GPC6: variants seen among roughly 807,000 people sequenced by gnomAD.
GPC6 encodes glypican-6.
GPC6 carries 14 observed loss-of-function variants against 55.2 expected under a neutral mutation model. That is an observed-to-expected ratio of 0.25 (90% CI 0.17 to 0.40). The LOEUF is 0.40. Ranked by LOEUF, GPC6 falls within the 10% of genes least tolerant of loss-of-function variation. The pLI, the probability that GPC6 is intolerant of heterozygous loss-of-function variation, is 1.00. For synonymous variants in GPC6, 278 were observed against 259.6 expected (o/e 1.07, Z -0.68); for missense variants, 641 against 708.5 (o/e 0.90, Z 1.08).
chr13:93,953,441 C>T (rs1288962799), intron 3 of GPC6, among the ~76,000 whole-genome samples: 1 of 152,084 alleles, frequency 6.6e-6, no homozygotes, highest in African/African-American at 2.4e-5. Flanking sequence ...TGTCCTGGTT[C>T]TTTGTGTAGA....
intron 2 of GPC6, among the ~76,000 whole-genome samples, chr13:93,556,215 C>T (rs2139450799): frequency 6.6e-6 from 1 of 151,804 alleles, no homozygotes; most frequent in Non-Finnish European, 1.5e-5. Context: ...TATCCTTTTT[C>T]CATTTATTTT....
At chr13:93,299,993 A>G (rs1407109813) in intron 1 of GPC6, among the ~76,000 whole-genome samples, 2 of 152,248 alleles carry the variant, frequency 1.3e-5, no homozygotes, top group African/African-American at 2.4e-5. Context: ...GTCAACAGCT[A>G]CAACAAGCTG....
intron 1 of GPC6, among the ~76,000 whole-genome samples, chr13:93,481,776 T>C (rs893728028): frequency 6.6e-6 from 1 of 152,156 alleles, no homozygotes; most frequent in African/African-American, 2.4e-5. Flanking sequence ...TCTATTATTG[T>C]CTGTTTATGC....
At chr13:94,358,428 G>C (rs1002089591) in intron 6 of GPC6, among the ~76,000 whole-genome samples, 5 of 152,124 alleles carry the variant, frequency 3.3e-5, no homozygotes, top group Non-Finnish European at 7.3e-5. Context: ...CATTGGTCAT[G>C]AGAACCTGAC....
intron 1 of GPC6, among the ~76,000 whole-genome samples, chr13:93,460,307 G>T (rs1018411238): frequency 1.7e-4 from 26 of 152,090 alleles, no homozygotes; most frequent in African/African-American, 6.3e-4. Context: ...TCAACCTTGG[G>T]GAAAACTCTG....
chr13:93,614,893 C>CT (rs920896562), intron 2 of GPC6, among the ~76,000 whole-genome samples: 43 of 150,910 alleles, frequency 2.8e-4, no homozygotes, highest in African/African-American at 8.5e-4. Context: ...TTGCTCATTG[C>CT]TTTTTTTTTC....
intron 4 of GPC6, among the ~76,000 whole-genome samples, chr13:94,225,853 A>C (rs922947667): frequency 6.6e-6 from 1 of 152,156 alleles, no homozygotes; most frequent in Admixed American, 6.6e-5. Context: ...ACCTTACAGA[A>C]CATATTACCA....
chr13:94,173,325 C>A (rs1168449550), intron 4 of GPC6, among the ~76,000 whole-genome samples: 1 of 152,168 alleles, frequency 6.6e-6, no homozygotes, highest in African/African-American at 2.4e-5. Flanking sequence ...GAAGAGCTTA[C>A]TATTCAGCAT....
At chr13:93,764,590 ACACACACACACACACACACAC>A (rs1254287008) in intron 2 of GPC6, among the ~76,000 whole-genome samples, 2 of 39,370 alleles carry the variant, frequency 5.1e-5, no homozygotes, top group Admixed American at 3.4e-4. Flanking sequence ...GTAAACACAC[ACACACACACACACACACACAC>A]CACACACACT....
At chr13:93,675,259 T>C (rs1024058670) in intron 2 of GPC6, among the ~76,000 whole-genome samples, 2 of 152,008 alleles carry the variant, frequency 1.3e-5, no homozygotes, top group African/African-American at 4.8e-5. Flanking sequence ...TTTTTAATTA[T>C]GATGATGATG....
chr13:93,637,972 C>CATAAAAAATAAAA (rs1879765575), intron 2 of GPC6, among the ~76,000 whole-genome samples: 4 of 151,886 alleles, frequency 2.6e-5, no homozygotes, highest in Non-Finnish European at 5.9e-5. Flanking sequence ...AGATGGAGTA[C>CATAAAAAATAAAA]TCACCTTAAA....
intron 3 of GPC6, among the ~76,000 whole-genome samples, chr13:93,995,703 A>G (rs1420470210): frequency 1.3e-5 from 2 of 152,256 alleles, no homozygotes; most frequent in African/African-American, 2.4e-5. Flanking sequence ...TAATGATGGC[A>G]TAAGAATTCA....
At chr13:93,511,472 G>T (rs1225323798) in intron 1 of GPC6, among the ~76,000 whole-genome samples, 1 of 151,742 alleles carries the variant, frequency 6.6e-6, no homozygotes, top group Non-Finnish European at 1.5e-5. Context: ...CTTTGTCAAA[G>T]ATTAGTTGGC....
At chr13:93,385,305 G>A (rs768087011) in intron 1 of GPC6, among the ~76,000 whole-genome samples, 10 of 152,240 alleles carry the variant, frequency 6.6e-5, no homozygotes, top group South Asian at 2.1e-4. Context: ...TGCCATAGGC[G>A]AGGTTGGCAG....
At chr13:93,667,108 T>A (rs1881169427) in intron 2 of GPC6, among the ~76,000 whole-genome samples, 1 of 152,186 alleles carries the variant, frequency 6.6e-6, no homozygotes, top group African/African-American at 2.4e-5. Flanking sequence ...TGAAACTGGC[T>A]AAGAGACATT....
intron 2 of GPC6, among the ~76,000 whole-genome samples, chr13:93,757,849 G>T (rs1376349454): frequency 6.6e-6 from 1 of 152,086 alleles, no homozygotes; most frequent in Non-Finnish European, 1.5e-5. Context: ...GTTCAGAAAG[G>T]CCAAATGTGC....
chr13:94,394,639 C>T (rs906702092), intron 7 of GPC6, among the ~76,000 whole-genome samples: 2 of 151,956 alleles, frequency 1.3e-5, no homozygotes, highest in East Asian at 3.9e-4. Context: ...GGGGGTCGCA[C>T]AATGGACATC....
intron 2 of GPC6, among the ~76,000 whole-genome samples, chr13:93,804,649 A>G (rs1024278857): frequency 6.6e-6 from 1 of 152,218 alleles, no homozygotes; most frequent in African/African-American, 2.4e-5. Flanking sequence ...CATCAATAAC[A>G]GAGCCTGCCT....
At chr13:94,249,079 A>G (rs539564844) in intron 4 of GPC6, among the ~76,000 whole-genome samples, 64 of 152,256 alleles carry the variant, frequency 4.2e-4, no homozygotes, top group African/African-American at 1.5e-3. Flanking sequence ...TCACTTGGTT[A>G]GAACATGAGG....
Sources: allele counts gnomAD v4.1 joint callset (sites outside exome capture counted in the v4.1 genomes callset), GRCh38; gene constraint gnomAD v4.1.1; transcripts MANE v1.5; gene names NCBI Gene and HGNC (gene_info 2026-07-23, HGNC 2026-07-21).